Variants in TXNRD2 observed in about 807,000 individuals in gnomAD.
TXNRD2 encodes the protein thioredoxin reductase 2, also known as thioredoxin reductase 2, mitochondrial.
A neutral mutation model predicts 70.8 loss-of-function variants in TXNRD2; 67 were observed. That is an observed-to-expected ratio of 0.95 (90% CI 0.78 to 1.16). TXNRD2 has a LOEUF of 1.16. Ranked by LOEUF, TXNRD2 falls within the 50% of genes most tolerant of loss-of-function variation. TXNRD2 has a pLI of 0.00. For synonymous variants in TXNRD2, 301 were observed against 295.8 expected (o/e 1.02, Z -0.18); for missense variants, 644 against 719.9 (o/e 0.89, Z 1.21).
intron 7 of TXNRD2, among the ~76,000 whole-genome samples, chr22:19,912,795 G>A (rs1940471264): frequency 6.6e-6 from 1 of 152,224 alleles, no homozygotes; most frequent in Non-Finnish European, 1.5e-5. Flanking sequence ...GGCCTCTAAG[G>A]ACTGGGGGTG....
intron 7 of TXNRD2, chr22:19,914,775 C>T (rs1256098923): frequency 1.4e-5 from 4 of 278,720 alleles, no homozygotes; most frequent in Non-Finnish European, 2.8e-5. Flanking sequence ...CTGAATTGTA[C>T]CCTAAAAAAG....
chr22:19,939,239 A>G (rs1941624935), intron 1 of TXNRD2, among the ~76,000 whole-genome samples: 1 of 152,176 alleles, frequency 6.6e-6, no homozygotes, highest in Admixed American at 6.5e-5. Context: ...TGGCATGCCA[A>G]ATCAAAATGG....
At chr22:19,876,746 G>A (rs537480021) in intron 17 of TXNRD2, 6 of 183,502 alleles carry the variant, frequency 3.3e-5, no homozygotes, top group African/African-American at 4.7e-5. Context: ...CACCTTCCAC[G>A]CCAACATCCA....
chr22:19,876,937 G>T, intron 17 of TXNRD2, 103 bp downstream of exon 17: 1 of 750,778 alleles, frequency 1.3e-6, no homozygotes, highest in Non-Finnish European at 2.0e-6. Flanking sequence ...GGGTGGCGTG[G>T]CAGGTGTAGC....
chr22:19,924,477 C>T (rs566752035), intron 2 of TXNRD2, among the ~76,000 whole-genome samples: 10 of 152,252 alleles, frequency 6.6e-5, no homozygotes, highest in South Asian at 4.2e-4. Context: ...CCATCATACC[C>T]GTAGACCCAA....
At chr22:19,919,854 T>C (rs1227686631) in intron 2 of TXNRD2, among the ~76,000 whole-genome samples, 6 of 107,122 alleles carry the variant, frequency 5.6e-5, no homozygotes, top group Non-Finnish European at 1.1e-4. Flanking sequence ...CCAGCTGCGC[T>C]GCCCACAGGC....
chr22:19,877,574 C>T (rs537795577), intron 16 of TXNRD2, among the ~76,000 whole-genome samples: 23 of 152,268 alleles, frequency 1.5e-4, no homozygotes, highest in African/African-American at 5.5e-4. Flanking sequence ...CTCACCACAC[C>T]ACCACCTCCC....
At chr22:19,902,613 G>A (rs954322237) in intron 8 of TXNRD2, among the ~76,000 whole-genome samples, 15 of 152,260 alleles carry the variant, frequency 9.9e-5, no homozygotes, top group African/African-American at 3.1e-4. Context: ...GAACCCCGCC[G>A]CCCCACCCAA....
chr22:19,925,154 T>TGA (rs1569108240), intron 2 of TXNRD2, among the ~76,000 whole-genome samples: 2 of 151,380 alleles, frequency 1.3e-5, no homozygotes, highest in Non-Finnish European at 2.9e-5. Flanking sequence ...CATGGTGGCA[T>TGA]GCGCCTGTAG....
At chr22:19,883,243 G>C in intron 12 of TXNRD2, 82 bp downstream of exon 12, 1 of 1,550,316 alleles carries the variant, frequency 6.5e-7, no homozygotes, top group African/African-American at 1.4e-5. Context: ...TCTCCTACAG[G>C]ACGGCAGCAG....
Position 19,883,472 on chromosome 22 carries a change from C to T in TXNRD2, c.950-11G>A, listed in dbSNP as rs2145940155. 1 of 1,613,990 alleles carries T rather than the reference C, an allele frequency of 6.2e-7. No individual in the cohort carries two copies. The highest frequency in any genetic ancestry group is 8.5e-7 in the Non-Finnish European group (1 of 1,180,040). On this transcript the variant is annotated splice_polypyrimidine_tract_variant and intron_variant, in intron 11 of 17. Coordinates refer to ENST00000400521, the MANE Select transcript of TXNRD2 (RefSeq NM_006440.5). ...TGTCTGGGACTCGACCTGAAGGAAA[C>T]AGAGAGGGGGCTGAAAGGTTATCTT...
chr22:19,929,102 T>C (rs1038545962), intron 2 of TXNRD2, among the ~76,000 whole-genome samples: 12 of 149,588 alleles, frequency 8.0e-5, no homozygotes, highest in African/African-American at 3.0e-4. Context: ...CCGAGGTGGG[T>C]GGATCATGAG....
In TXNRD2 at chr22:19,901,275, G is replaced by A. The variant is rs147464898; in HGVS notation, c.663-2207C>T. On this transcript the variant is annotated intron_variant, in intron 8 of 17. Coordinates refer to ENST00000400521, the MANE Select transcript of TXNRD2 (RefSeq NM_006440.5). ...CCGGGCCTCCTGTCCTGGCACCCACGGGGCACAGGAGAAGCTCCCGCCTCA... is the reference window on the plus strand; with the variant it reads ...CCGGGCCTCCTGTCCTGGCACCCACAGGGCACAGGAGAAGCTCCCGCCTCA... Among the ~76,000 whole-genome samples, 39 of 152,258 alleles carry A rather than the reference G, an allele frequency of 2.6e-4. 1 individual carries two copies. Among genetic ancestry groups the A allele is most frequent in the African/African-American group, 8.9e-4 (37 of 41,542 alleles).
intron 1 of TXNRD2, among the ~76,000 whole-genome samples, chr22:19,936,531 AT>A (rs1232815627): frequency 6.6e-6 from 1 of 151,834 alleles, no homozygotes. Context: ...CCAAACTACA[AT>A]TTACCTGTAA....
rs556748930 is a variant in TXNRD2 at position 19,925,262 on chromosome 22, C to A, written c.173-5663G>T. 2.0e-5 allele frequency among the ~76,000 whole-genome samples: 3 copies of A among 151,704 alleles called. 1 individual carries two copies. In the East Asian group the frequency reaches 5.8e-4, roughly 29 times the overall value. On this transcript the variant is annotated intron_variant, in intron 2 of 17. Coordinates refer to ENST00000400521, the MANE Select transcript of TXNRD2 (RefSeq NM_006440.5). ...TCGCACCACTGCACTCCAGCCTGGGCGACAGAGCAAGACTCCATCTCAAAA... is the reference window on the plus strand; with the variant it reads ...TCGCACCACTGCACTCCAGCCTGGGAGACAGAGCAAGACTCCATCTCAAAA...
chr22:19,923,629 C>T (rs552416740), intron 2 of TXNRD2, among the ~76,000 whole-genome samples: 3 of 152,238 alleles, frequency 2.0e-5, no homozygotes, highest in Admixed American at 6.5e-5. Flanking sequence ...GTAGTGAAAG[C>T]TCGTCTCTAC....
chr22:19,924,505 T>C (rs967993659), intron 2 of TXNRD2, among the ~76,000 whole-genome samples: 4 of 152,150 alleles, frequency 2.6e-5, no homozygotes, highest in African/African-American at 7.2e-5. Context: ...GCTTCCCCTC[T>C]GTCCCTTCTC....
chr22:19,881,125 C>T (rs537979208), intron 12 of TXNRD2: 11 of 457,684 alleles, frequency 2.4e-5, no homozygotes, highest in South Asian at 6.5e-5. Context: ...GACCCCAAAG[C>T]GTTCCATGTG....
At chr22:19,918,241 T>C in intron 4 of TXNRD2, 24 bp from the exon 5 acceptor site, 1 of 1,608,622 alleles carries the variant, frequency 6.2e-7, no homozygotes, top group African/African-American at 1.3e-5. Flanking sequence ...AAACAAAATG[T>C]AAAATCCACA....
Sources: gnomAD v4.1 joint callset for allele counts (sites outside exome capture counted in the v4.1 genomes callset) on GRCh38, gnomAD v4.1.1 for gene constraint, MANE v1.5 for transcripts, NCBI Gene and HGNC (gene_info 2026-07-23, HGNC 2026-07-21) for gene names.